CCDC178: variants seen among roughly 807,000 people sequenced by gnomAD.
CCDC178 encodes coiled-coil domain-containing protein 178.
A neutral mutation model predicts 117.4 loss-of-function variants in CCDC178; 126 were observed. The ratio of observed to expected loss-of-function variants is 1.07; its 90% CI spans 0.93 to 1.24. The LOEUF is 1.24. CCDC178 is among the 50% of genes most tolerant of loss of function. The pLI, the probability that CCDC178 is intolerant of heterozygous loss-of-function variation, is 0.00. For synonymous variants in CCDC178, 283 were observed against 313.4 expected (o/e 0.90, Z 1.02); for missense variants, 1,030 against 986.9 (o/e 1.04, Z -0.59).
chr18:33,187,484 A>G (rs1402091212), intron 20 of CCDC178, among the ~76,000 whole-genome samples: 1 of 152,056 alleles, frequency 6.6e-6, no homozygotes, highest in Non-Finnish European at 1.5e-5. Context: ...CACACCCTCA[A>G]TACATCTCAT....
chr18:32,955,477 C>T (rs2054574803), intron 22 of CCDC178, among the ~76,000 whole-genome samples: 1 of 152,060 alleles, frequency 6.6e-6, no homozygotes, highest in South Asian at 2.1e-4. Flanking sequence ...ATTGACATTG[C>T]CTCTTAGCTG....
chr18:33,182,771 T>C (rs1490511333), intron 20 of CCDC178, among the ~76,000 whole-genome samples: 1 of 152,020 alleles, frequency 6.6e-6, no homozygotes, highest in Non-Finnish European at 1.5e-5. Flanking sequence ...TGTGAATTTC[T>C]ATACATTAAA....
At chr18:33,019,443 G>T (rs1218402179) in intron 21 of CCDC178, among the ~76,000 whole-genome samples, 1 of 152,142 alleles carries the variant, frequency 6.6e-6, no homozygotes, top group African/African-American at 2.4e-5. Context: ...CAAGATATAT[G>T]ATTGCTAATT....
Position 33,389,572 on chromosome 18 carries a change from C to T in CCDC178, c.176G>A (p.Gly59Asp), listed in dbSNP as rs773765486. 3 of 1,524,184 alleles carry T rather than the reference C, an allele frequency of 2.0e-6. No homozygotes were observed. The South Asian group carries it at 4.2e-5, about 21-fold the overall frequency. 94.4% of individuals were successfully genotyped at this position (1,524,184 alleles called of 1,614,324 possible). A position where few individuals can be genotyped will look rare whatever the true frequency, so the allele number is the denominator to read the frequency against. Reference sequence around the variant, plus strand: ...ATTTGTCATTTTACTTTCATGAAAACCTTCACTGTTCTCCTTAGAGGCTCC... The same window carrying T: ...ATTTGTCATTTTACTTTCATGAAAATCTTCACTGTTCTCCTTAGAGGCTCC... Reference protein sequence around the residue: ...LYGASKENSEGFHESKMTNTE... With the variant: ...LYGASKENSEDFHESKMTNTE... The change falls in exon 5 of 23, where the codon GGT becomes GAT. Residue 59 changes from glycine (G) to aspartate (D), a missense_variant. Physicochemically the swap from Gly to Asp is moderately conservative, Grantham distance 94. Transcript: ENST00000383096.
intron 2 of CCDC178, among the ~76,000 whole-genome samples, chr18:33,430,173 AAAGT>A (rs763986890): frequency 9.9e-5 from 15 of 152,242 alleles, no homozygotes; most frequent in Non-Finnish European, 1.9e-4. Context: ...GAGTAAAATA[AAAGT>A]AAGCCTCTGA....
At chr18:33,198,757 C>T (rs1365800503) in intron 20 of CCDC178, among the ~76,000 whole-genome samples, 1 of 152,098 alleles carries the variant, frequency 6.6e-6, no homozygotes, top group African/African-American at 2.4e-5. Context: ...GTCCCAGTAA[C>T]TCGCTTTCTC....
intron 18 of CCDC178, among the ~76,000 whole-genome samples, chr18:33,220,891 C>T (rs1012131213): frequency 3.3e-5 from 5 of 151,958 alleles, no homozygotes; most frequent in Non-Finnish European, 5.9e-5. Context: ...CTCCTAATTC[C>T]CAAATTCTAG....
intron 20 of CCDC178, among the ~76,000 whole-genome samples, chr18:33,109,290 C>T (rs2057748993): frequency 1.3e-5 from 2 of 151,786 alleles, no homozygotes; most frequent in South Asian, 2.1e-4. Context: ...GGAGAATAAA[C>T]TTGTCAAATT....
rs539576016 is a variant in CCDC178 at position 33,149,674 on chromosome 18, C to T, written c.2239-56764G>A. Among the ~76,000 whole-genome samples the T allele has an allele frequency of 2.0e-5, 3 of 152,262 alleles. No individual in the cohort carries two copies. In the South Asian group the frequency reaches 6.2e-4, roughly 32 times the overall value. On this transcript the variant is annotated intron_variant, in intron 20 of 22. Coordinates refer to ENST00000383096, the MANE Select transcript of CCDC178 (RefSeq NM_001105528.4). Reference sequence around the variant, plus strand: ...CTCCATCTCCCTTCCCTCCTCCACCCATTAATATTCCATTATACAATCTCC... The same window carrying T: ...CTCCATCTCCCTTCCCTCCTCCACCTATTAATATTCCATTATACAATCTCC...
chr18:33,250,991 T>C (rs909695745), intron 14 of CCDC178, among the ~76,000 whole-genome samples: 3 of 151,328 alleles, frequency 2.0e-5, no homozygotes, highest in African/African-American at 7.3e-5. Context: ...AAGAAAACAA[T>C]AAAAAAACCT....
intron 21 of CCDC178, among the ~76,000 whole-genome samples, chr18:33,047,851 T>G (rs1231521064): frequency 6.6e-6 from 1 of 152,172 alleles, no homozygotes; most frequent in East Asian, 1.9e-4. Context: ...AGCCATCAAT[T>G]TGCTTTTTGT....
At chr18:33,202,134 C>T (rs2058996283) in intron 20 of CCDC178, among the ~76,000 whole-genome samples, 1 of 151,930 alleles carries the variant, frequency 6.6e-6, no homozygotes, top group Non-Finnish European at 1.5e-5. Context: ...GTGGTTCACG[C>T]CTGTAATCCC....
intron 21 of CCDC178, among the ~76,000 whole-genome samples, chr18:33,036,290 G>GA (rs1567947410): frequency 2.6e-5 from 4 of 151,572 alleles, no homozygotes; most frequent in Admixed American, 6.6e-5. Flanking sequence ...CCTTGTGCCT[G>GA]AAAAAATCTA....
Position 33,321,074 on chromosome 18 carries a change from T to A in CCDC178, c.1022+2417A>T, listed in dbSNP as rs1161247874. 2.0e-5 allele frequency among the ~76,000 whole-genome samples: 3 copies of A among 152,292 alleles called. No homozygotes were observed. The East Asian group carries it at 5.8e-4, about 29-fold the overall frequency. Reference sequence around the variant, plus strand: ...GAAACTGGATCCCTTCCTTACACCTTATACAAAAATTAATTCAAGATGGAC... The same window carrying A: ...GAAACTGGATCCCTTCCTTACACCTAATACAAAAATTAATTCAAGATGGAC... On this transcript the variant is annotated intron_variant, in intron 11 of 22. Coordinates refer to ENST00000383096, the MANE Select transcript of CCDC178 (RefSeq NM_001105528.4).
At chr18:33,360,771 T>C in intron 6 of CCDC178, among the ~76,000 whole-genome samples, 1 of 151,578 alleles carries the variant, frequency 6.6e-6, no homozygotes, top group Non-Finnish European at 1.5e-5. Flanking sequence ...ATAAAATGCC[T>C]TGGAATAAGT....
At chr18:33,319,495 T>G (rs1215465210) in intron 11 of CCDC178, among the ~76,000 whole-genome samples, 4 of 152,156 alleles carry the variant, frequency 2.6e-5, no homozygotes, top group Non-Finnish European at 5.9e-5. Context: ...CATGCCGCAA[T>G]AAACATACGT....
chr18:33,336,533 A>G (rs1599180344), intron 9 of CCDC178, among the ~76,000 whole-genome samples: 1 of 152,130 alleles, frequency 6.6e-6, no homozygotes, highest in Non-Finnish European at 1.5e-5. Flanking sequence ...CTGACAATTG[A>G]AATTATAACT....
At chr18:33,356,088 T>C (rs2063052870) in intron 7 of CCDC178, among the ~76,000 whole-genome samples, 1 of 152,188 alleles carries the variant, frequency 6.6e-6, no homozygotes, top group African/African-American at 2.4e-5. Flanking sequence ...TTCTGACTGA[T>C]GTTTTTGCAA....
chr18:33,009,614 C>T (rs574374657), intron 21 of CCDC178, among the ~76,000 whole-genome samples: 7 of 152,114 alleles, frequency 4.6e-5, no homozygotes, highest in Non-Finnish European at 8.8e-5. Context: ...AATTCCATCC[C>T]TTCCCCAACA....
Sources: gnomAD v4.1 joint callset for allele counts (sites outside exome capture counted in the v4.1 genomes callset) on GRCh38, gnomAD v4.1.1 for gene constraint, MANE v1.5 for transcripts, NCBI Gene and HGNC (gene_info 2026-07-23, HGNC 2026-07-21) for gene names.